Variants in DPF2 observed in about 807,000 individuals in gnomAD.
DPF2 encodes the protein double PHD fingers 2.
DPF2 carries 10 observed loss-of-function variants against 59.6 expected under a neutral mutation model. The observed-to-expected ratio is 0.17, with a 90% confidence interval of 0.10 to 0.28. The LOEUF (loss-of-function observed/expected upper bound fraction) is 0.28, where lower values mean the gene tolerates loss of function less well. Among genes scored for constraint, DPF2 ranks in the 10% least tolerant of loss-of-function variants. The pLI is 1.00. For missense variants in DPF2, 315 were observed against 509.4 expected (o/e 0.62, Z 3.67); for synonymous variants, 189 against 190.6 (o/e 0.99, Z 0.07).
chr11:65,345,760 T>C lies in DPF2; in HGVS notation c.732T>C (p.Ser244=). Residue 244 remains serine, a synonymous_variant, in exon 7 of 11, where the codon TCT becomes TCC. Transcript: ENST00000528416. The part of the protein sequence containing the change: ...AEEEGEDKED[S]QPPTPVSQRS... ...AGGAGGGCGAGGACAAGGAAGACTC[T>C]CAACCACCCACTCCTGTTTCCCAGA... 6.2e-7 allele frequency: 1 copy of C among 1,614,072 alleles called. No homozygotes were observed.
At chr11:65,344,308 G>T in intron 6 of DPF2, 1 of 616,048 alleles carries the variant, frequency 1.6e-6, no homozygotes. Context: ...GGTTGCTTGT[G>T]GGGGCCACAG....
At position 65,345,923 on chromosome 11, in the gene DPF2, T is replaced by C. The variant is rs767199700; in HGVS notation, c.776-7T>C. The stretch of plus-strand genomic sequence containing the variant: ...ATGGGTGTCATCAAAACTCTTTCTC[T>C]CTGTAGCCAAAAAGGGTCCTGATGG... On this transcript the variant is annotated splice_region_variant and splice_polypyrimidine_tract_variant and intron_variant, in intron 7 of 10. Coordinates refer to ENST00000528416, the MANE Select transcript of DPF2 (RefSeq NM_006268.5). 1.2e-6 allele frequency: 2 copies of C among 1,613,940 alleles called. No homozygotes were observed. The highest frequency in any genetic ancestry group is 1.7e-6 in the Non-Finnish European group (2 of 1,179,980).
In DPF2 at chr11:65,341,447, G is replaced by C; in HGVS notation, c.350G>C (p.Ser117Thr). The C allele has an allele frequency of 6.2e-7, 1 of 1,614,254 alleles. No homozygotes were observed. Residue 117 changes from serine (S) to threonine (T), a missense_variant, in exon 4 of 11, where the codon AGT becomes ACT. Around this residue, in one of 4 missense-constraint regions of DPF2, gnomAD observed 228 missense variants for 275.3 expected, o/e 0.83. Coordinates refer to ENST00000528416, the MANE Select transcript of DPF2 (RefSeq NM_006268.5). ...GAGGGGCTGATCTCTCAGGATGGCAGTAGTTTAGAGGCTCTGTTGCGCACT... is the reference window on the plus strand; with the variant it reads ...GAGGGGCTGATCTCTCAGGATGGCACTAGTTTAGAGGCTCTGTTGCGCACT... Reference protein sequence around the residue: ...KKEGLISQDGSSLEALLRTDP... With the variant: ...KKEGLISQDGTSLEALLRTDP...
chr11:65,347,941 C>G (rs1347482758), intron 9 of DPF2: 1 of 152,210 alleles, frequency 6.6e-6, no homozygotes, highest in Non-Finnish European at 1.5e-5. Context: ...AGCCACCGTG[C>G]TTGGCCCTTG....
rs115807112 is a variant in DPF2 at position 65,350,851 on chromosome 11, C to T, written c.1100-832C>T. On this transcript the variant is annotated intron_variant, in intron 10 of 10. Coordinates refer to ENST00000528416, the MANE Select transcript of DPF2 (RefSeq NM_006268.5). ...GAAATTAGCTGGGCGTGGTGCTGTGCGCTTGTAATCTCAGCTACTATAGAG... is the reference window on the plus strand; with the variant it reads ...GAAATTAGCTGGGCGTGGTGCTGTGTGCTTGTAATCTCAGCTACTATAGAG... Among the ~76,000 whole-genome samples, 1,053 of 151,762 alleles carry T rather than the reference C, an allele frequency of 6.9e-3. 11 individuals are homozygous for T. Among genetic ancestry groups the T allele is most frequent in the African/African-American group, 0.024 (1,006 of 41,398 alleles).
intron 1 of DPF2, among the ~76,000 whole-genome samples, chr11:65,336,955 G>A (rs568001192): frequency 1.4e-4 from 21 of 152,004 alleles, no homozygotes; most frequent in Non-Finnish European, 2.8e-4. Flanking sequence ...GGGCATGGTG[G>A]CGTGCACCTG....
chr11:65,352,972 T>C lies in DPF2; in HGVS notation c.*1213T>C, dbSNP rs1590941861. ...TAAACATTAGTAAAAATAAATGTTTTTACACAGAGCCCTCTGCTGGATGGT... is the reference window on the plus strand; with the variant it reads ...TAAACATTAGTAAAAATAAATGTTTCTACACAGAGCCCTCTGCTGGATGGT... On this transcript the variant is annotated 3_prime_UTR_variant, in exon 11 of 11. Coordinates refer to ENST00000528416, the MANE Select transcript of DPF2 (RefSeq NM_006268.5). 1.3e-5 allele frequency: 2 copies of C among 152,104 alleles called. No homozygotes were observed. The highest frequency in any genetic ancestry group is 3.8e-4 in the East Asian group (2 of 5,198). 9.4% of individuals were successfully genotyped at this position (152,104 alleles called of 1,614,324 possible).
rs1236601034 is a variant in DPF2 at position 65,345,264 on chromosome 11, G to A, written c.638-402G>A. ...CCCACATTTACTGAGGGGTAAAAAAGTTTGGAGTCTTATCCACTTTTCCCC... is the reference window on the plus strand; with the variant it reads ...CCCACATTTACTGAGGGGTAAAAAAATTTGGAGTCTTATCCACTTTTCCCC... On this transcript the variant is annotated intron_variant, in intron 6 of 10. Transcript: ENST00000528416. 2.1e-5 allele frequency: 4 copies of A among 190,798 alleles called. No homozygotes were observed. In the East Asian group the frequency reaches 5.1e-4, roughly 24 times the overall value. 11.8% of individuals were successfully genotyped at this position (190,798 alleles called of 1,614,324 possible).
intron 6 of DPF2, chr11:65,344,841 G>C: frequency 1.7e-6 from 1 of 577,836 alleles, no homozygotes. Flanking sequence ...AGAGCTGCTC[G>C]GCCCAGTGCA....
chr11:65,351,996 G>GT lies in DPF2; in HGVS notation c.*240dup. On this transcript the variant is annotated 3_prime_UTR_variant, in exon 11 of 11. Coordinates refer to ENST00000528416, the MANE Select transcript of DPF2 (RefSeq NM_006268.5). ...TGCCCCTAGGCGTGCGTGTGGCCCA[G>GT]TTTCTCTCTGCTCTCCATTAAGTGC... 1.8e-6 allele frequency: 1 copy of GT among 561,968 alleles called. No individual in the cohort carries two copies. Among genetic ancestry groups the GT allele is most frequent in the Non-Finnish European group, 3.2e-6 (1 of 313,234 alleles). The allele number at this position is 561,968 out of a possible 1,614,324, so 34.8% of individuals were successfully genotyped here.
intron 9 of DPF2, 119 bp from the exon 10 acceptor site, chr11:65,348,731 A>G (rs1277556731): frequency 1.1e-6 from 1 of 894,732 alleles, no homozygotes; most frequent in Non-Finnish European, 1.7e-6. Context: ...TTTCCCACAT[A>G]AGATTCTCAC....
intron 4 of DPF2, chr11:65,343,503 C>T: frequency 3.8e-6 from 2 of 530,574 alleles, no homozygotes; most frequent in Non-Finnish European, 6.8e-6. Flanking sequence ...GGCCATGTGG[C>T]ATGGTGGGGA....
Position 65,343,826 on chromosome 11 carries a change from G to T in DPF2, c.547G>T (p.Gly183Trp). 1 of 1,585,474 alleles carries T rather than the reference G, an allele frequency of 6.3e-7. No individual in the cohort carries two copies. The highest frequency in any genetic ancestry group is 2.3e-5 in the East Asian group (1 of 43,612). Residue 183 changes from glycine (G) to tryptophan (W), a missense_variant, in exon 5 of 11, where the codon GGG becomes TGG. Gly to Trp is a radical substitution (Grantham distance 184). This residue lies in a region of DPF2 where 228 missense variants were observed against 275.3 expected (regional missense o/e 0.83). Coordinates refer to ENST00000528416, the MANE Select transcript of DPF2 (RefSeq NM_006268.5). ...EEDTPKRRGK[G>W]KSKGKGVGSA... ...AGATACTCCCAAGCGTCGGGGAAAG[G>T]GGAAATCCAAGGTGAGGGGCCAGCG... is the stretch of plus-strand genomic sequence containing the variant.
Position 65,343,855 on chromosome 11 carries a change from T to C in DPF2, c.558+18T>C, listed in dbSNP as rs200748807. ...AATCCAAGGTGAGGGGCCAGCGTGCTGCCTGCATCTTGGGACAGGGTGGCC... is the reference window on the plus strand; with the variant it reads ...AATCCAAGGTGAGGGGCCAGCGTGCCGCCTGCATCTTGGGACAGGGTGGCC... On this transcript the variant is annotated intron_variant, in intron 5 of 10. Coordinates refer to ENST00000528416, the MANE Select transcript of DPF2 (RefSeq NM_006268.5). 138 of 1,582,954 alleles carry C rather than the reference T, an allele frequency of 8.7e-5. No individual in the cohort carries two copies. Among genetic ancestry groups the C allele is most frequent in the Non-Finnish European group, 9.4e-5 (109 of 1,163,182 alleles).
In DPF2 at chr11:65,351,921, G is replaced by T; in HGVS notation, c.*162G>T. 3 of 736,006 alleles carry T rather than the reference G, an allele frequency of 4.1e-6. No homozygotes were observed. The highest frequency in any genetic ancestry group is 6.7e-6 in the Non-Finnish European group (3 of 445,450). 45.6% of individuals were successfully genotyped at this position (736,006 alleles called of 1,614,324 possible). A position where few individuals can be genotyped will look rare whatever the true frequency, so the allele number is the denominator to read the frequency against. On this transcript the variant is annotated 3_prime_UTR_variant, in exon 11 of 11. Transcript: ENST00000528416. ...TTGGCAGCTGCAAGCTGAGGTGGCA[G>T]CTCTGACCACCTCTGGCCCCAGGCC... is the stretch of plus-strand genomic sequence containing the variant.
chr11:65,337,473 AAAT>A (rs1397391659), intron 1 of DPF2, among the ~76,000 whole-genome samples: 102 of 43,666 alleles, frequency 2.3e-3, no homozygotes, highest in African/African-American at 5.1e-3. Flanking sequence ...AAAAAAAAAA[AAAT>A]ATATATATAT....
At chr11:65,340,084 G>A (rs888423087) in intron 1 of DPF2, among the ~76,000 whole-genome samples, 15 of 152,172 alleles carry the variant, frequency 9.9e-5, no homozygotes, top group East Asian at 9.6e-4. Flanking sequence ...ACAGGGGTGG[G>A]CTTGTGAGAC....
rs777497338 is a variant in DPF2 at position 65,344,025 on chromosome 11, A to G, written c.593A>G (p.Asp198Gly). ...GTGGGCAGTGCCCGTAAGAAGCTGG[A>G]TGCTTCCATCCTGGAGGACCGGGAT... ...KGVGSARKKL[D>G]ASILEDRDKP... Residue 198 changes from aspartate (D) to glycine (G), a missense_variant, in exon 6 of 11, where the codon GAT becomes GGT. Transcript: ENST00000528416. 1 of 1,614,186 alleles carries G rather than the reference A, an allele frequency of 6.2e-7. No homozygotes were observed. The highest frequency in any genetic ancestry group is 8.5e-7 in the Non-Finnish European group (1 of 1,180,030).
intron 1 of DPF2, among the ~76,000 whole-genome samples, chr11:65,335,855 C>A (rs1950088180): frequency 1.3e-5 from 2 of 152,068 alleles, no homozygotes; most frequent in South Asian, 4.2e-4. Context: ...TGTTGTCGGC[C>A]CGGGCTGGAA....
Sources: gnomAD v4.1 joint callset for allele counts (sites outside exome capture counted in the v4.1 genomes callset) on GRCh38, gnomAD v4.1.1 for gene constraint, gnomAD v4.1.1 regional missense constraint, MANE v1.5 for transcripts, NCBI Gene and HGNC (gene_info 2026-07-23, HGNC 2026-07-21) for gene names.